The following KLF8 variants were observed in gnomAD, a reference collection of about 807,000 sequenced individuals.
KLF8 encodes Krueppel-like factor 8.
Under a neutral mutation model 18.2 loss-of-function variants are expected in KLF8, and 10 were observed. That is an observed-to-expected ratio of 0.55 (90% CI 0.34 to 0.93). The LOEUF is 0.93. Ranked by LOEUF, KLF8 falls within the 40% of genes least tolerant of loss-of-function variation. The probability of loss-of-function intolerance (pLI) is 0.02; values close to 1 mark genes in which losing one functional copy is unlikely to be tolerated. For synonymous variants in KLF8, 109 were observed against 97.3 expected (o/e 1.12, Z -0.71); for missense variants, 264 against 277.9 (o/e 0.95, Z 0.36).
chrX:56,122,536 C>A, the KLF8 span, among the ~76,000 whole-genome samples: 12 of 111,210 alleles, frequency 1.1e-4, no homozygotes, highest in African/African-American at 3.6e-4. Flanking sequence ...GGAGTTTTTT[C>A]TGCTCTATGA....
the KLF8 span, among the ~76,000 whole-genome samples, chrX:56,135,963 A>G: frequency 9.0e-6 from 1 of 111,701 alleles, no homozygotes. Context: ...TAGAAAAACA[A>G]ACAGAGAGCC....
the KLF8 span, among the ~76,000 whole-genome samples, chrX:55,922,459 CAG>C: frequency 8.9e-6 from 1 of 112,119 alleles, no homozygotes; most frequent in Admixed American, 9.4e-5. Flanking sequence ...TGGGACCTGT[CAG>C]GGGGACAGCA....
chrX:55,927,690 G>T, the KLF8 span, among the ~76,000 whole-genome samples: 1 of 112,147 alleles, frequency 8.9e-6, no homozygotes, highest in Non-Finnish European at 1.9e-5. Context: ...AGGTTGATTG[G>T]TCATTCAGAT....
At chrX:55,944,440 G>A in the KLF8 span, among the ~76,000 whole-genome samples, 3 of 109,703 alleles carry the variant, frequency 2.7e-5, no homozygotes, top group Admixed American at 9.7e-5. Context: ...GGTAGAATTC[G>A]GCTGTGAATC....
the KLF8 span, among the ~76,000 whole-genome samples, chrX:56,061,673 A>G: frequency 9.0e-6 from 1 of 111,363 alleles, no homozygotes; most frequent in Non-Finnish European, 1.9e-5. Flanking sequence ...GTAGATGTCT[A>G]TTAGGTCGGC....
chrX:56,084,808 T>C, the KLF8 span, among the ~76,000 whole-genome samples: 13,716 of 111,259 alleles, frequency 0.12, 1,508 homozygotes, highest in African/African-American at 0.36. Context: ...TAAGAACACA[T>C]GAAGGAAAAA....
the KLF8 span, among the ~76,000 whole-genome samples, chrX:56,060,564 G>C: frequency 8.9e-6 from 1 of 111,824 alleles, no homozygotes; most frequent in South Asian, 3.7e-4. Flanking sequence ...TAAGCTTTTT[G>C]ATATCCTGCT....
At chrX:56,202,559 T>TCTCC in the KLF8 span, among the ~76,000 whole-genome samples, 2 of 75,802 alleles carry the variant, frequency 2.6e-5, no homozygotes, top group Non-Finnish European at 5.3e-5. Context: ...CCATTAACCT[T>TCTCC]CCCCCCCCCT....
At chrX:55,990,432 T>A in the KLF8 span, among the ~76,000 whole-genome samples, 1 of 112,179 alleles carries the variant, frequency 8.9e-6, no homozygotes, top group Non-Finnish European at 1.9e-5. Context: ...AAGAACAACT[T>A]TATTTCTGCC....
At chrX:55,950,943 C>T in the KLF8 span, among the ~76,000 whole-genome samples, 24,205 of 110,686 alleles carry the variant, frequency 0.22, 5,436 homozygotes, top group African/African-American at 0.69. Context: ...CAATAAGTAC[C>T]ATCAGTTGGT....
the KLF8 span, among the ~76,000 whole-genome samples, chrX:56,098,497 A>T: frequency 2.7e-5 from 3 of 111,934 alleles, no homozygotes; most frequent in Non-Finnish European, 5.6e-5. Context: ...GATTATCTCA[A>T]TGGATGCAGA....
the KLF8 span, among the ~76,000 whole-genome samples, chrX:56,183,752 A>G: frequency 8.9e-6 from 1 of 112,381 alleles, no homozygotes; most frequent in African/African-American, 3.2e-5. Context: ...AGAAGATGAC[A>G]AAACAGAGAA....
chrX:55,938,658 C>T, the KLF8 span, among the ~76,000 whole-genome samples: 1 of 110,011 alleles, frequency 9.1e-6, no homozygotes, highest in African/African-American at 3.3e-5. Flanking sequence ...CACATAGGCT[C>T]AAAATAAAGG....
the KLF8 span, among the ~76,000 whole-genome samples, chrX:56,075,403 G>T: frequency 1.8e-5 from 2 of 110,509 alleles, no homozygotes; most frequent in East Asian, 2.8e-4. Context: ...CATAGTAGGT[G>T]TATGTATTTA....
chrX:56,123,309 G>GAAAGAAAGA, the KLF8 span, among the ~76,000 whole-genome samples: 145 of 108,154 alleles, frequency 1.3e-3, 1 homozygote, highest in African/African-American at 5.0e-3. Context: ...GAGAAAGAAA[G>GAAAGAAAGA]AAAGAAAAGA....
At chrX:56,140,797 T>TA in the KLF8 span, among the ~76,000 whole-genome samples, 2,024 of 43,878 alleles carry the variant, frequency 0.046, 92 homozygotes, top group African/African-American at 0.14. Flanking sequence ...GCCCCTCCAG[T>TA]AAAAAAAAAA....
the KLF8 span, among the ~76,000 whole-genome samples, chrX:55,911,310 C>T: frequency 9.0e-6 from 1 of 110,937 alleles, no homozygotes; most frequent in African/African-American, 3.3e-5. Flanking sequence ...ATAAGTGGAC[C>T]TGCAGTTCAA....
chrX:56,058,311 T>TATATATATAC, the KLF8 span, among the ~76,000 whole-genome samples: 1 of 51,443 alleles, frequency 1.9e-5, no homozygotes, highest in African/African-American at 6.4e-5. Context: ...TATATATATA[T>TATATATATAC]ATATATATAT....
At chrX:56,165,585 G>T in the KLF8 span, among the ~76,000 whole-genome samples, 1 of 112,037 alleles carries the variant, frequency 8.9e-6, no homozygotes, top group African/African-American at 3.2e-5. Context: ...CAAAAAATCT[G>T]TCTGGGCACG....
Sources: allele counts gnomAD v4.1 joint callset (sites outside exome capture counted in the v4.1 genomes callset), GRCh38; gene constraint gnomAD v4.1.1; transcripts MANE v1.5; gene names NCBI Gene and HGNC (gene_info 2026-07-23, HGNC 2026-07-21).